The following NACAD variants were observed in gnomAD, a reference collection of about 807,000 sequenced individuals.
NACAD encodes NAC alpha domain containing, also known as NAC-alpha domain-containing protein 1.
Under a neutral mutation model 98.9 loss-of-function variants are expected in NACAD, and 47 were observed. That is an observed-to-expected ratio of 0.48 (90% CI 0.38 to 0.61). The LOEUF is 0.61. Ranked by LOEUF, NACAD falls within the 20% of genes least tolerant of loss-of-function variation. NACAD has a pLI of 0.00. For missense variants in NACAD, 1,412 were observed against 1,748.2 expected, an observed-to-expected ratio of 0.81 and a Z score of 3.43; for synonymous variants, 696 against 767.2, an observed-to-expected ratio of 0.91 and a Z score of 1.53.
intron 1 of NACAD, among the ~76,000 whole-genome samples, chr7:45,086,506 T>G (rs1422246615): frequency 6.6e-6 from 1 of 152,200 alleles, no homozygotes; most frequent in African/African-American, 2.4e-5. Context: ...GGTGGGAATC[T>G]GCCAGGCAGT....
intron 1 of NACAD, among the ~76,000 whole-genome samples, chr7:45,086,374 C>A (rs1031658340): frequency 6.6e-6 from 1 of 152,116 alleles, no homozygotes; most frequent in Non-Finnish European, 1.5e-5. Context: ...ACCTGTCTGG[C>A]GGCTTTTCTC....
rs150639074 is a variant in NACAD, at chr7:45,083,034, C to G, written c.3146G>C (p.Gly1049Ala). 2 of 1,550,946 alleles carry G rather than the reference C, an allele frequency of 1.3e-6. No homozygotes were observed. The highest frequency in any genetic ancestry group is 2.4e-5 in the East Asian group (1 of 40,932). ...TCGCGCTTCCAGACATGCTTCCCGT[C>G]CAGGCCTAGAAAGGGCTTCTGCTAT... The part of the protein sequence containing the change: ...EEIAEALSRP[G>A]REACLEARAH... The change falls in exon 2 of 8, where the codon GGA becomes GCA. Residue 1049 changes from glycine to alanine, a missense_variant. Transcript: ENST00000490531.
In NACAD at chr7:45,082,386, G is replaced by A. The variant is rs1008551385; in HGVS notation, c.3794C>T (p.Pro1265Leu). The A allele has an allele frequency of 1.3e-6, 2 of 1,549,754 alleles. No individual in the cohort carries two copies. The highest frequency in any genetic ancestry group is 8.7e-7 in the Non-Finnish European group (1 of 1,146,824). ...QEDSVEDEEP[P>L]GSLGLPPPQA... is the part of the protein sequence containing the mutation. Reference sequence around the variant, plus strand: ...GGGCGGTGGGAGGCCCAGAGAGCCTGGGGGCTCCTCGTCTTCCACAGAGTC... The same window carrying A: ...GGGCGGTGGGAGGCCCAGAGAGCCTAGGGGCTCCTCGTCTTCCACAGAGTC... Residue 1265 changes from proline (P) to leucine (L), a missense_variant, in exon 2 of 8, where the codon CCA (proline) becomes CTA (leucine). Physicochemically the swap from Pro to Leu is moderately conservative, Grantham distance 98. Around this residue, in one of 5 missense-constraint regions of NACAD, gnomAD observed 572 missense variants for 639.6 expected, o/e 0.89. Transcript: ENST00000490531. This position sits in a 1 kb window ranked among gnomAD's most constrained non-coding sequence, Gnocchi z 4.5.
At position 45,081,616 on chromosome 7, in the gene NACAD, C is replaced by T; in HGVS notation, c.4242G>A (p.Glu1414=). ...ACCAGCCCACCTTTCGGGCCTTCTTCTCACTGCGACTCTGCTTGGCTTTGG... is the reference window on the plus strand; with the variant it reads ...ACCAGCCCACCTTTCGGGCCTTCTTTTCACTGCGACTCTGCTTGGCTTTGG... ...TIAKAKQSRS[E]KKARKAMSKL... is the part of the protein sequence containing the mutation. Residue 1414 remains glutamate (E), a synonymous_variant, in exon 4 of 8, where the codon GAG becomes GAA. Coordinates refer to ENST00000490531, the MANE Select transcript of NACAD (RefSeq NM_001146334.2). The T allele has an allele frequency of 2.6e-6, 4 of 1,551,454 alleles. No homozygotes were observed. Among genetic ancestry groups the T allele is most frequent in the Admixed American group, 2.0e-5 (1 of 51,006 alleles).
At position 45,088,705 on chromosome 7, in the gene NACAD, G is replaced by A. The variant is rs549639261; in HGVS notation, c.67+123C>T. 3.8e-4 allele frequency: 274 copies of A among 719,000 alleles called. No individual in the cohort carries two copies. In the African/African-American group the frequency reaches 4.5e-3, roughly 12 times the overall value. 44.5% of individuals were successfully genotyped at this position (719,000 alleles called of 1,614,324 possible). On this transcript the variant is annotated intron_variant, in intron 1 of 7. Coordinates refer to ENST00000490531, the MANE Select transcript of NACAD (RefSeq NM_001146334.2). This position sits in a 1 kb window ranked among gnomAD's most constrained non-coding sequence, Gnocchi z 5.7. ...TGGAGGGAAGGACAGGGCGCGGAAA[G>A]GGGAGGGGACTCGAGGGGGGCCAGG... is the stretch of plus-strand genomic sequence containing the variant.
rs565594477 is a variant in NACAD, at chr7:45,088,835, G to A, written c.60C>T (p.Pro20=). 2.9e-5 allele frequency: 44 copies of A among 1,493,278 alleles called. No homozygotes were observed. In the Admixed American group the frequency reaches 9.2e-4, roughly 31 times the overall value. 92.5% of individuals were successfully genotyped at this position (1,493,278 alleles called of 1,614,324 possible). A position where few individuals can be genotyped will look rare whatever the true frequency, so the allele number is the denominator to read the frequency against. ...LLLPEADRPG[P]RTDLSCDAAA... is the part of the protein sequence containing the mutation. ...GAGTGGCCACGGCCTCACCTGTGCG[G>A]GGCCCGGGTCGGTCCGCCTCGGGCA... The change falls in exon 1 of 8, where the codon CCC becomes CCT. Residue 20 remains proline (P), a synonymous_variant. Coordinates refer to ENST00000490531, the MANE Select transcript of NACAD (RefSeq NM_001146334.2). This position sits in a 1 kb window ranked among gnomAD's most constrained non-coding sequence, Gnocchi z 5.7.
rs1784557106 is a variant in NACAD, at chr7:45,088,594, C to T, written c.67+234G>A. 6.6e-6 allele frequency among the ~76,000 whole-genome samples: 1 copy of T among 152,216 alleles called. No homozygotes were observed. Among genetic ancestry groups the T allele is most frequent in the Admixed American group, 6.5e-5 (1 of 15,290 alleles). ...CTGGGTCGGAAGCCAAGGGCTTAAG[C>T]CCCCACGTTCTTTCTGGCTCGCGGC... On this transcript the variant is annotated intron_variant, in intron 1 of 7. Coordinates refer to ENST00000490531, the MANE Select transcript of NACAD (RefSeq NM_001146334.2). This position sits in a 1 kb window ranked among gnomAD's most constrained non-coding sequence, Gnocchi z 5.7.
At position 45,081,421 on chromosome 7, in the gene NACAD, G is replaced by C; in HGVS notation, c.4258-158C>G. On this transcript the variant is annotated intron_variant, in intron 4 of 7. Transcript: ENST00000490531. ...TCCCCATGAGCCTCAGTCTATAAGG[G>C]CCTTCTCATGACATTCCAGCCTCAG... The C allele has an allele frequency of 8.0e-6, 10 of 1,251,400 alleles. No homozygotes were observed. The South Asian group carries it at 1.3e-4, about 17-fold the overall frequency. 77.5% of individuals were successfully genotyped at this position (1,251,400 alleles called of 1,614,324 possible).
intron 7 of NACAD, 38 bp downstream of exon 7, chr7:45,080,602 C>T: frequency 6.4e-7 from 1 of 1,551,432 alleles, no homozygotes; most frequent in Non-Finnish European, 8.7e-7. Flanking sequence ...CCCTTGGGGA[C>T]AGCTCAGGGG....
At position 45,082,729 on chromosome 7, in the gene NACAD, A is replaced by G; in HGVS notation, c.3451T>C (p.Ser1151Pro). The G allele has an allele frequency of 6.5e-7, 1 of 1,538,636 alleles. No homozygotes were observed. Among genetic ancestry groups the G allele is most frequent in the East Asian group, 2.5e-5 (1 of 40,780 alleles). Reference protein sequence around the residue: ...SAVATEASLDSCPESSVGAVS... With the variant: ...SAVATEASLDPCPESSVGAVS... Reference sequence around the variant, plus strand: ...GCCCCTACTGAAGACTCTGGGCAGGAGTCCAGACTGGCCTCTGTGGCCACA... The same window carrying G: ...GCCCCTACTGAAGACTCTGGGCAGGGGTCCAGACTGGCCTCTGTGGCCACA... Residue 1151 changes from serine to proline, a missense_variant, in exon 2 of 8, where the codon TCC (serine) becomes CCC (proline). Around this residue, in one of 5 missense-constraint regions of NACAD, gnomAD observed 572 missense variants for 639.6 expected, o/e 0.89. Transcript: ENST00000490531. This position sits in a 1 kb window ranked among gnomAD's most constrained non-coding sequence, Gnocchi z 4.5.
At position 45,088,869 on chromosome 7, in the gene NACAD, T is replaced by G; in HGVS notation, c.26A>C (p.Glu9Ala). The G allele has an allele frequency of 1.3e-6, 2 of 1,485,976 alleles. No homozygotes were observed. The highest frequency in any genetic ancestry group is 5.7e-5 in the East Asian group (2 of 35,150). The allele number at this position is 1,485,976 out of a possible 1,614,324, so 92.0% of individuals were successfully genotyped here. The change falls in exon 1 of 8, where the codon GAG (glutamate) becomes GCG (alanine). Residue 9 changes from glutamate to alanine, a missense_variant. By Grantham distance (107) the Glu-to-Ala change is moderately radical. Transcript: ENST00000490531. This position sits in a 1 kb window ranked among gnomAD's most constrained non-coding sequence, Gnocchi z 5.7. MPGEAARA[E>A]LLLPEADRPG... ...TCGGTCCGCCTCGGGCAGCAGCAGCTCGGCGCGGGCAGCCTCCCCAGGCAT... is the reference window on the plus strand; with the variant it reads ...TCGGTCCGCCTCGGGCAGCAGCAGCGCGGCGCGGGCAGCCTCCCCAGGCAT...
Position 45,088,483 on chromosome 7 carries a change from T to C in NACAD, c.67+345A>G, listed in dbSNP as rs1463504811. Reference sequence around the variant, plus strand: ...CACCCCGCCTCCAGAACCCGCTGCCTCTGTCCAGAGCGGCCCAGCCCCAGC... The same window carrying C: ...CACCCCGCCTCCAGAACCCGCTGCCCCTGTCCAGAGCGGCCCAGCCCCAGC... On this transcript the variant is annotated intron_variant, in intron 1 of 7. Transcript: ENST00000490531. The surrounding 1 kb of genome is among the most constrained non-coding windows in gnomAD (Gnocchi z 5.7). Among the ~76,000 whole-genome samples the C allele has an allele frequency of 6.6e-6, 1 of 152,008 alleles. No homozygotes were observed. Among genetic ancestry groups the C allele is most frequent in the Non-Finnish European group, 1.5e-5 (1 of 67,988 alleles).
At position 45,084,807 on chromosome 7, in the gene NACAD, A is replaced by G; in HGVS notation, c.1373T>C (p.Leu458Pro). ...TGAGATCAATTCCTGTCTCTGGGAC[A>G]GATAGGCCCCTCTGTCTGAGGTCTG... ...APQTSDRGAY[L>P]SQRQELISEV... The change falls in exon 2 of 8, where the codon CTG becomes CCG. Residue 458 changes from leucine (L) to proline (P), a missense_variant. Around this residue, in one of 5 missense-constraint regions of NACAD, gnomAD observed 638 missense variants for 722.7 expected, o/e 0.88. Transcript: ENST00000490531. 6.4e-7 allele frequency: 1 copy of G among 1,550,956 alleles called. No homozygotes were observed. The highest frequency in any genetic ancestry group is 1.7e-4 in the Middle Eastern group (1 of 5,990).
At position 45,085,324 on chromosome 7, in the gene NACAD, A is replaced by G; in HGVS notation, c.856T>C (p.Ser286Pro). Residue 286 changes from serine to proline, a missense_variant, in exon 2 of 8, where the codon TCC (serine) becomes CCC (proline). This residue lies in a region of NACAD where 638 missense variants were observed against 722.7 expected (regional missense o/e 0.88). Transcript: ENST00000490531. The surrounding 1 kb of genome is among the most constrained non-coding windows in gnomAD (Gnocchi z 6.1). ...SESSLSADSS[S>P]SWGQEGHFFD... ...AAGTGGCCCTCCTGGCCCCAGGAGGAGCTGCTGTCTGCAGAGAGGCTGGAC... is the reference window on the plus strand; with the variant it reads ...AAGTGGCCCTCCTGGCCCCAGGAGGGGCTGCTGTCTGCAGAGAGGCTGGAC... The G allele has an allele frequency of 6.4e-7, 1 of 1,550,960 alleles. No homozygotes were observed. The highest frequency in any genetic ancestry group is 8.7e-7 in the Non-Finnish European group (1 of 1,146,872).
At chr7:45,081,524 G>C in intron 4 of NACAD, 77 bp downstream of exon 4, 1 of 1,509,720 alleles carries the variant, frequency 6.6e-7, no homozygotes, top group Non-Finnish European at 9.0e-7. Flanking sequence ...TAGCCATGGA[G>C]TGTGAGGGTC....
chr7:45,080,559 C>G (rs1490429120), intron 7 of NACAD, 36 bp from the exon 8 acceptor site: 9 of 1,551,292 alleles, frequency 5.8e-6, no homozygotes, highest in African/African-American at 1.4e-5. Flanking sequence ...GGGAAGCACC[C>G]CGCAGTGGAG....
chr7:45,080,749 C>T lies in NACAD; in HGVS notation c.4565G>A (p.Gly1522Glu). 2.6e-6 allele frequency: 4 copies of T among 1,550,936 alleles called. No homozygotes were observed. The highest frequency in any genetic ancestry group is 3.5e-6 in the Non-Finnish European group (4 of 1,146,950). ...CAGCTCAATGTCACGCAGTTCCAGC[C>T]CCGCCTCGTCCACCTGGAGTTGGGG... ...EEEEEEVDEA[G>E]LELRDIELVM... Residue 1522 changes from glycine to glutamate, a missense_variant, in exon 7 of 8, where the codon GGG becomes GAG. By Grantham distance (98) the Gly-to-Glu change is moderately conservative (BLOSUM62 -2). This residue lies in a region of NACAD where 88 missense variants were observed against 105.4 expected (regional missense o/e 0.84). Transcript: ENST00000490531.
chr7:45,085,083 G>A lies in NACAD; in HGVS notation c.1097C>T (p.Ser366Phe), dbSNP rs1297328000. The change falls in exon 2 of 8, where the codon TCT (serine) becomes TTT (phenylalanine). Residue 366 changes from serine to phenylalanine, a missense_variant. Physicochemically the swap from Ser to Phe is radical, Grantham distance 155. Transcript: ENST00000490531. This position sits in a 1 kb window ranked among gnomAD's most constrained non-coding sequence, Gnocchi z 6.1. ...STSASFLQSLSDLSITEGMDE... is the reference protein window; with the variant it reads ...STSASFLQSLFDLSITEGMDE... ...CATGCCCTCCGTGATGGACAGGTCA[G>A]ACAGTGACTGCAGGAAGGAGGCAGA... 5.2e-6 allele frequency: 8 copies of A among 1,551,048 alleles called. No homozygotes were observed. Among genetic ancestry groups the A allele is most frequent in the Non-Finnish European group, 7.0e-6 (8 of 1,146,972 alleles).
chr7:45,088,446 G>A lies in NACAD; in HGVS notation c.67+382C>T, dbSNP rs1784555149. Among the ~76,000 whole-genome samples the A allele has an allele frequency of 6.6e-6, 1 of 152,096 alleles. No individual in the cohort carries two copies. The highest frequency in any genetic ancestry group is 2.1e-4 in the South Asian group (1 of 4,818). On this transcript the variant is annotated intron_variant, in intron 1 of 7. Coordinates refer to ENST00000490531, the MANE Select transcript of NACAD (RefSeq NM_001146334.2). This position sits in a 1 kb window ranked among gnomAD's most constrained non-coding sequence, Gnocchi z 5.7. ...CGGTGGTCACCTGATCGTACTGGGG[G>A]TATCAGCCGGACACCCCGCCTCCAG...
Sources: allele counts gnomAD v4.1 joint callset (sites outside exome capture counted in the v4.1 genomes callset), GRCh38; gene constraint gnomAD v4.1.1; regional missense constraint gnomAD v4.1.1; non-coding constraint Gnocchi (gnomAD v3.1); transcripts MANE v1.5; gene names NCBI Gene and HGNC (gene_info 2026-07-23, HGNC 2026-07-21).